ERGIC1: variants seen among roughly 807,000 people sequenced by gnomAD.
The protein encoded by ERGIC1 is endoplasmic reticulum-golgi intermediate compartment 1, also known as endoplasmic reticulum-Golgi intermediate compartment protein 1.
ERGIC1 carries 19 observed loss-of-function variants against 38.3 expected under a neutral mutation model. That is an observed-to-expected ratio of 0.50 (90% CI 0.35 to 0.73). The LOEUF (loss-of-function observed/expected upper bound fraction) is 0.73. Among genes scored for constraint, ERGIC1 ranks in the 30% least tolerant of loss-of-function variants. ERGIC1 has a pLI of 0.01. For synonymous variants in ERGIC1, 124 were observed against 157.6 expected, an observed-to-expected ratio of 0.79 and a Z score of 1.60; for missense variants, 294 against 389.2, an observed-to-expected ratio of 0.76 and a Z score of 2.06.
intron 1 of ERGIC1, among the ~76,000 whole-genome samples, chr5:172,858,492 C>T (rs1037638375): frequency 2.0e-5 from 3 of 152,222 alleles, no homozygotes; most frequent in Non-Finnish European, 4.4e-5. Flanking sequence ...TCGTCAGTCA[C>T]ACGCTAGAGG....
Position 172,929,668 on chromosome 5 carries a change from C to A in ERGIC1, c.542-2768C>A, listed in dbSNP as rs150091384. On this transcript the variant is annotated intron_variant, in intron 7 of 9. Coordinates refer to ENST00000393784, the MANE Select transcript of ERGIC1 (RefSeq NM_001031711.3). ...TGTTTATAAAATTGAAAATGAGGAA[C>A]CACGTCAGTGTCCAGCCATAGGGGG... Among the ~76,000 whole-genome samples, 808 of 152,218 alleles carry A rather than the reference C, an allele frequency of 5.3e-3. 9 individuals carry two copies. The highest frequency in any genetic ancestry group is 0.018 in the African/African-American group (767 of 41,512).
At chr5:172,850,349 C>G (rs1221895724) in intron 1 of ERGIC1, among the ~76,000 whole-genome samples, 1 of 149,886 alleles carries the variant, frequency 6.7e-6, no homozygotes, top group Admixed American at 6.7e-5. Flanking sequence ...TGGAGCCACA[C>G]AGGCACGTCA....
intron 9 of ERGIC1, among the ~76,000 whole-genome samples, chr5:172,948,272 G>A (rs1025624108): frequency 6.6e-6 from 1 of 152,154 alleles, no homozygotes; most frequent in Non-Finnish European, 1.5e-5. Flanking sequence ...ACAGGCCCCC[G>A]CTTAGCTCAT....
At position 172,920,270 on chromosome 5, in the gene ERGIC1, T is replaced by C; in HGVS notation, c.376-3735T>C. The C allele has an allele frequency of 5.6e-6, 4 of 715,170 alleles. No individual in the cohort carries two copies. The South Asian group carries it at 5.9e-5, about 11-fold the overall frequency. The allele number at this position is 715,170 out of a possible 1,614,324, so 44.3% of individuals were successfully genotyped here. A position where few individuals can be genotyped will look rare whatever the true frequency, so the allele number is the denominator to read the frequency against. ...TGCTCAAAGAAGCCACCAGGGTCCATGTGCTGTGATGGCAAGGTCAGCAGC... is the reference window on the plus strand; with the variant it reads ...TGCTCAAAGAAGCCACCAGGGTCCACGTGCTGTGATGGCAAGGTCAGCAGC... On this transcript the variant is annotated intron_variant, in intron 5 of 9. Transcript: ENST00000393784.
intron 3 of ERGIC1, among the ~76,000 whole-genome samples, chr5:172,900,183 G>T (rs1313825722): frequency 6.6e-6 from 1 of 152,200 alleles, no homozygotes; most frequent in Non-Finnish European, 1.5e-5. Context: ...GCTCGAGCAG[G>T]TGGGGCCCCA....
chr5:172,880,116 A>T (rs1762244346), intron 1 of ERGIC1, among the ~76,000 whole-genome samples: 1 of 151,488 alleles, frequency 6.6e-6, no homozygotes, highest in Non-Finnish European at 1.5e-5. Flanking sequence ...GGCTCACTGC[A>T]ACCTCCACCT....
intron 1 of ERGIC1, among the ~76,000 whole-genome samples, chr5:172,872,815 C>CA (rs1045844135): frequency 5.1e-4 from 76 of 148,240 alleles, no homozygotes; most frequent in African/African-American, 1.7e-3. Context: ...AACTCTATCT[C>CA]AAAAAAAAGA....
intron 9 of ERGIC1, among the ~76,000 whole-genome samples, chr5:172,946,973 C>T (rs1049060191): frequency 1.3e-5 from 2 of 151,706 alleles, no homozygotes; most frequent in Admixed American, 6.6e-5. Flanking sequence ...CACTTGAGGT[C>T]AGGGGTTCGA....
chr5:172,940,339 G>A (rs577522918), intron 9 of ERGIC1, among the ~76,000 whole-genome samples: 3 of 152,302 alleles, frequency 2.0e-5, no homozygotes, highest in Admixed American at 1.3e-4. Context: ...GATGCTCTGT[G>A]CTATATTAGA....
chr5:172,940,433 C>T (rs1429374644), intron 9 of ERGIC1, among the ~76,000 whole-genome samples: 1 of 152,180 alleles, frequency 6.6e-6, no homozygotes, highest in African/African-American at 2.4e-5. Context: ...CCCACACACA[C>T]ATTTGTCCTG....
rs1003561507 is a variant in ERGIC1 at position 172,869,794 on chromosome 5, A to T, written c.21-18905A>T. ...TGGGACACCCGTTCTTCCTTGTGAC[A>T]TTAGGGAATTTGGTACAGCTTTCTG... On this transcript the variant is annotated intron_variant, in intron 1 of 9. Coordinates refer to ENST00000393784, the MANE Select transcript of ERGIC1 (RefSeq NM_001031711.3). Among the ~76,000 whole-genome samples, 6 of 152,334 alleles carry T rather than the reference A, an allele frequency of 3.9e-5. No individual in the cohort carries two copies. The South Asian group carries it at 1.0e-3, about 26-fold the overall frequency.
chr5:172,932,773 G>C (rs111605031), intron 8 of ERGIC1: 152 of 536,962 alleles, frequency 2.8e-4, no homozygotes, highest in African/African-American at 2.6e-3. Context: ...GGTGTGATGC[G>C]TTTGACAAAG....
chr5:172,861,081 G>A (rs575444046), intron 1 of ERGIC1, among the ~76,000 whole-genome samples: 1 of 151,938 alleles, frequency 6.6e-6, no homozygotes, highest in East Asian at 1.9e-4. Flanking sequence ...CAGGGCCTGT[G>A]GGATGTGTCC....
At chr5:172,849,886 C>T (rs1364455733) in intron 1 of ERGIC1, among the ~76,000 whole-genome samples, 2 of 152,218 alleles carry the variant, frequency 1.3e-5, no homozygotes, top group Non-Finnish European at 2.9e-5. Context: ...GAAGTAAAAA[C>T]ATTCACTCAG....
chr5:172,887,340 G>C (rs1451541733), intron 1 of ERGIC1, among the ~76,000 whole-genome samples: 2 of 152,222 alleles, frequency 1.3e-5, no homozygotes, highest in African/African-American at 4.8e-5. Context: ...TGGGAGAACT[G>C]TCTGCTACGC....
chr5:172,910,844 A>G (rs1323978357), intron 4 of ERGIC1, among the ~76,000 whole-genome samples: 2 of 152,170 alleles, frequency 1.3e-5, no homozygotes, highest in African/African-American at 4.8e-5. Context: ...TTACTTCTAC[A>G]AAACAAAACT....
At chr5:172,945,524 G>T (rs572051562) in intron 9 of ERGIC1, among the ~76,000 whole-genome samples, 1 of 152,244 alleles carries the variant, frequency 6.6e-6, no homozygotes, top group African/African-American at 2.4e-5. Flanking sequence ...GTTAAAGTGG[G>T]TCTCAGGTTG....
chr5:172,914,949 C>T (rs760898193), intron 5 of ERGIC1, 111 bp downstream of exon 5: 1 of 1,526,882 alleles, frequency 6.5e-7, no homozygotes, highest in South Asian at 1.2e-5. Flanking sequence ...TGACACAGCC[C>T]CCAGCAAGCG....
rs189381169 is a variant in ERGIC1 at position 172,935,596 on chromosome 5, T to A, written c.765+286T>A. 5 of 344,064 alleles carry A rather than the reference T, an allele frequency of 1.5e-5. No individual in the cohort carries two copies. In the East Asian group the frequency reaches 2.3e-4, roughly 16 times the overall value. The allele number at this position is 344,064 out of a possible 1,614,324, so 21.3% of individuals were successfully genotyped here. The stretch of plus-strand genomic sequence containing the variant: ...AATCTCCATATGGTTCCACTAGATG[T>A]TTAGGATTTTCTCCAGCTTTTTATT... On this transcript the variant is annotated intron_variant, in intron 9 of 9. Transcript: ENST00000393784.
Sources: gnomAD v4.1 joint callset for allele counts (sites outside exome capture counted in the v4.1 genomes callset) on GRCh38, gnomAD v4.1.1 for gene constraint, MANE v1.5 for transcripts, NCBI Gene and HGNC (gene_info 2026-07-23, HGNC 2026-07-21) for gene names.